AK6: variants seen among roughly 807,000 people sequenced by gnomAD.
The protein encoded by AK6 is adenylate kinase isoenzyme 6.
AK6 carries 24 observed loss-of-function variants against 23.7 expected under a neutral mutation model. The observed-to-expected ratio is 1.01, with a 90% CI of 0.73 to 1.43. AK6 has a LOEUF of 1.43. AK6 is among the 40% of genes most tolerant of loss of function. AK6 has a pLI of 0.00. For synonymous variants in AK6, 73 were observed against 69.8 expected, an observed-to-expected ratio of 1.05 and a Z score of -0.23; for missense variants, 191 against 199.1, an observed-to-expected ratio of 0.96 and a Z score of 0.24.
chr5:69,362,821 C>G (rs1182927295), intron 2 of AK6, among the ~76,000 whole-genome samples: 1 of 152,200 alleles, frequency 6.6e-6, no homozygotes, highest in African/African-American at 2.4e-5. Context: ...AATCTTTTAT[C>G]TGGCATTACA....
intron 4 of AK6, among the ~76,000 whole-genome samples, chr5:69,353,221 T>C (rs1343885444): frequency 1.3e-5 from 2 of 152,112 alleles, no homozygotes; most frequent in Non-Finnish European, 2.9e-5. Context: ...GAGTAGATTA[T>C]TGGTTGCCTA....
intron 2 of AK6, among the ~76,000 whole-genome samples, chr5:69,361,161 T>TC (rs1479053551): frequency 3.3e-5 from 5 of 152,166 alleles, no homozygotes; most frequent in African/African-American, 1.2e-4. Flanking sequence ...ACAGTAAGAC[T>TC]CTTTTTTTTT....
chr5:69,367,634 C>T lies in AK6; in HGVS notation c.29-1039G>A, dbSNP rs564022328. On this transcript the variant is annotated intron_variant, in intron 1 of 4. Transcript: ENST00000380822. The stretch of plus-strand genomic sequence containing the variant: ...TGCAGTGGAACTTGGCTCACTAGAG[C>T]CTTTACCTCCTGGGCTCAAGCAATC... 8.5e-4 allele frequency among the ~76,000 whole-genome samples: 129 copies of T among 152,124 alleles called. 1 individual carries two copies. The highest frequency in any genetic ancestry group is 2.9e-3 in the African/African-American group (121 of 41,496).
intron 1 of AK6, chr5:69,369,008 A>G (rs1436720097): frequency 5.7e-6 from 1 of 174,086 alleles, no homozygotes; most frequent in East Asian, 1.6e-4. Context: ...TATCAGAAGC[A>G]AAGAAAAAAT....
At position 69,364,944 on chromosome 5, in the gene AK6, TAC is replaced by T. The variant is rs748098651; in HGVS notation, c.121+1557_121+1558del. 22 of 1,607,090 alleles carry T rather than the reference TAC, an allele frequency of 1.4e-5. No individual in the cohort carries two copies. The East Asian group carries it at 2.9e-4, about 21-fold the overall frequency. On this transcript the variant is annotated intron_variant, in intron 2 of 4. Coordinates refer to ENST00000380822, the MANE Select transcript of AK6 (RefSeq NM_016283.5). Reference sequence around the variant, plus strand: ...CATGTTACATTCAGCAAGGCTAGATTACAGATTATCATAGTCATCATCATCAT... The same window carrying T: ...CATGTTACATTCAGCAAGGCTAGATTAGATTATCATAGTCATCATCATCAT...
chr5:69,363,522 C>T (rs536440947), intron 2 of AK6, among the ~76,000 whole-genome samples: 5 of 152,186 alleles, frequency 3.3e-5, no homozygotes, highest in Admixed American at 2.0e-4. Context: ...CGGTGGCCCA[C>T]GCCTGTAATC....
chr5:69,367,082 G>A (rs909121786), intron 1 of AK6, among the ~76,000 whole-genome samples: 1 of 152,108 alleles, frequency 6.6e-6, no homozygotes, highest in East Asian at 1.9e-4. Flanking sequence ...CATGTACTAC[G>A]ATCTAATAAA....
At chr5:69,364,219 ATATAT>A in intron 2 of AK6, among the ~76,000 whole-genome samples, 2 of 150,308 alleles carry the variant, frequency 1.3e-5, no homozygotes, top group African/African-American at 4.9e-5. Context: ...TAAAAAAAAT[ATATAT>A]ATATATAAAC....
At chr5:69,361,369 C>T (rs1278766818) in intron 2 of AK6, among the ~76,000 whole-genome samples, 1 of 152,024 alleles carries the variant, frequency 6.6e-6, no homozygotes, top group Non-Finnish European at 1.5e-5. Context: ...GATCTGCCCA[C>T]CTCGGCTCCC....
chr5:69,352,269 G>A lies in AK6; in HGVS notation c.327-16C>T. The stretch of plus-strand genomic sequence containing the variant: ...ATTATAACCCCTAGAAGGCAGGGAG[G>A]TTAAGCAAACAAGAAGCAAAATAAA... On this transcript the variant is annotated splice_polypyrimidine_tract_variant and intron_variant, in intron 4 of 4. Coordinates refer to ENST00000380822, the MANE Select transcript of AK6 (RefSeq NM_016283.5). 1 of 1,587,736 alleles carries A rather than the reference G, an allele frequency of 6.3e-7. No homozygotes were observed. The highest frequency in any genetic ancestry group is 8.6e-7 in the Non-Finnish European group (1 of 1,166,536).
chr5:69,354,164 T>C (rs1001573408), intron 4 of AK6, among the ~76,000 whole-genome samples: 2 of 152,174 alleles, frequency 1.3e-5, no homozygotes, highest in Non-Finnish European at 2.9e-5. Flanking sequence ...TCTCTCATAG[T>C]TTTTTCATAC....
chr5:69,358,356 A>G (rs1762135213), intron 2 of AK6, among the ~76,000 whole-genome samples: 4 of 151,850 alleles, frequency 2.6e-5, no homozygotes, highest in Non-Finnish European at 5.9e-5. Context: ...CCCCATCTCT[A>G]CCAAAAATAC....
At chr5:69,358,049 C>T (rs1580306900) in intron 2 of AK6, among the ~76,000 whole-genome samples, 1 of 151,936 alleles carries the variant, frequency 6.6e-6, no homozygotes, top group Non-Finnish European at 1.5e-5. Flanking sequence ...TTACTAGGGA[C>T]AAAGATTAGA....
intron 4 of AK6, among the ~76,000 whole-genome samples, chr5:69,352,588 A>G (rs903797297): frequency 2.0e-5 from 3 of 152,226 alleles, no homozygotes; most frequent in Non-Finnish European, 2.9e-5. Flanking sequence ...ACTTAAGCAA[A>G]GAATCTGAGT....
chr5:69,358,221 T>C (rs1762132084), intron 2 of AK6, among the ~76,000 whole-genome samples: 1 of 152,118 alleles, frequency 6.6e-6, no homozygotes, highest in Non-Finnish European at 1.5e-5. Context: ...TTTAAATCTT[T>C]GACTTTTAAA....
intron 2 of AK6, chr5:69,364,725 C>T: frequency 1.6e-6 from 1 of 637,852 alleles, no homozygotes; most frequent in Non-Finnish European, 2.7e-6. Context: ...AAAAACATAA[C>T]TGCCAAAGCA....
In AK6 at chr5:69,363,098, T is replaced by C. The variant is rs531352655; in HGVS notation, c.121+3405A>G. Among the ~76,000 whole-genome samples, 3 of 152,204 alleles carry C rather than the reference T, an allele frequency of 2.0e-5. No individual in the cohort carries two copies. The South Asian group carries it at 6.2e-4, about 32-fold the overall frequency. ...TTTAAGTTAGCCCGGCAGGATGGTG[T>C]GTGCCTGTAGTCCCAGCTACAAGGG... On this transcript the variant is annotated intron_variant, in intron 2 of 4. Coordinates refer to ENST00000380822, the MANE Select transcript of AK6 (RefSeq NM_016283.5).
At chr5:69,367,327 A>G (rs1300025379) in intron 1 of AK6, among the ~76,000 whole-genome samples, 1 of 151,694 alleles carries the variant, frequency 6.6e-6, no homozygotes, top group Admixed American at 6.6e-5. Flanking sequence ...CCTGGCCAAC[A>G]TAGTGAAACT....
chr5:69,366,751 C>T (rs1762444493), intron 1 of AK6, 156 bp from the exon 2 acceptor site: 1 of 617,860 alleles, frequency 1.6e-6, no homozygotes, highest in South Asian at 2.0e-5. Flanking sequence ...TCCTAATTAG[C>T]AATCATATGT....
Sources: gnomAD v4.1 joint callset for allele counts (sites outside exome capture counted in the v4.1 genomes callset) on GRCh38, gnomAD v4.1.1 for gene constraint, MANE v1.5 for transcripts, NCBI Gene and HGNC (gene_info 2026-07-23, HGNC 2026-07-21) for gene names.